The following ANKFN1 variants were observed in gnomAD, a reference collection of about 807,000 sequenced individuals.
The protein encoded by ANKFN1 is ankyrin repeat and fibronectin type III domain containing 1.
Under a neutral mutation model 108.7 loss-of-function variants are expected in ANKFN1, and 74 were observed. The ratio of observed to expected loss-of-function variants is 0.68; its 90% CI spans 0.56 to 0.83. ANKFN1 has a LOEUF of 0.83. Ranked by LOEUF, ANKFN1 falls within the 40% of genes least tolerant of loss-of-function variation. The pLI, the probability that ANKFN1 is intolerant of heterozygous loss-of-function variation, is 0.00. For synonymous variants in ANKFN1, 547 were observed against 516.2 expected (o/e 1.06, Z -0.81); for missense variants, 1,505 against 1,382.3 (o/e 1.09, Z -1.41).
At chr17:56,421,834 A>C (rs550553692) in intron 8 of ANKFN1, among the ~76,000 whole-genome samples, 1 of 152,198 alleles carries the variant, frequency 6.6e-6, no homozygotes, top group Non-Finnish European at 1.5e-5. Context: ...ATCAGAATAT[A>C]TTCTGTCTTT....
chr17:56,145,172 C>G (rs1239508843), intron 4 of ANKFN1, among the ~76,000 whole-genome samples: 1 of 152,142 alleles, frequency 6.6e-6, no homozygotes, highest in Admixed American at 6.5e-5. Flanking sequence ...AGTGAGTGTG[C>G]ACTGAGCAGG....
intron 3 of ANKFN1, among the ~76,000 whole-genome samples, chr17:56,320,259 A>G (rs2045324530): frequency 6.6e-6 from 1 of 152,088 alleles, no homozygotes; most frequent in Admixed American, 6.6e-5. Flanking sequence ...ACTCTGGTGA[A>G]CTCTTCCACA....
In ANKFN1 at chr17:56,384,841, C is replaced by T. The variant is rs1376588923; in HGVS notation, c.910+10127C>T. Among the ~76,000 whole-genome samples the T allele has an allele frequency of 5.4e-5, 8 of 149,172 alleles. No individual in the cohort carries two copies. The South Asian group carries it at 1.3e-3, about 24-fold the overall frequency. ...AAGAGGATACAAAGAAATGGAAGAA[C>T]ATTCCATGCTTATGGGTAGGAAGAA... is the stretch of plus-strand genomic sequence containing the variant. On this transcript the variant is annotated intron_variant, in intron 8 of 20. Coordinates refer to ENST00000682825, the MANE Select transcript of ANKFN1 (RefSeq NM_001370326.1).
intron 3 of ANKFN1, among the ~76,000 whole-genome samples, chr17:56,317,303 T>C (rs969048063): frequency 6.6e-6 from 1 of 152,196 alleles, no homozygotes; most frequent in Non-Finnish European, 1.5e-5. Context: ...TCCAGAAACA[T>C]TGCAAATCAA....
chr17:56,103,930 G>C (rs1905694928), intron 4 of ANKFN1, among the ~76,000 whole-genome samples: 1 of 152,214 alleles, frequency 6.6e-6, no homozygotes, highest in Non-Finnish European at 1.5e-5. Context: ...GAGTAAGATG[G>C]GGAGGAAAGG....
chr17:56,446,013 A>T (rs1252409225), intron 10 of ANKFN1, among the ~76,000 whole-genome samples: 1 of 152,180 alleles, frequency 6.6e-6, no homozygotes, highest in Admixed American at 6.5e-5. Context: ...CCTCATCCCT[A>T]AAGTCTCCTA....
intron 1 of ANKFN1, among the ~76,000 whole-genome samples, chr17:56,164,494 G>A (rs1229046842): frequency 1.3e-5 from 2 of 152,132 alleles, no homozygotes; most frequent in East Asian, 3.9e-4. Context: ...CCAGCCCGTA[G>A]CACAGTAGCT....
intron 3 of ANKFN1, among the ~76,000 whole-genome samples, chr17:56,283,988 T>A (rs1446136610): frequency 6.6e-6 from 1 of 152,240 alleles, no homozygotes; most frequent in Non-Finnish European, 1.5e-5. Flanking sequence ...TTCAAAAGAC[T>A]GACTAGGTTA....
rs1380678695 is a variant in ANKFN1 at position 56,449,114 on chromosome 17, A to G, written c.1135A>G (p.Lys379Glu). The change falls in exon 11 of 21, where the codon AAG becomes GAG. Residue 379 changes from lysine (K) to glutamate (E), a missense_variant. Coordinates refer to ENST00000682825, the MANE Select transcript of ANKFN1 (RefSeq NM_001370326.1). Reference protein sequence around the residue: ...KDYDDREPRHKGQSEVLEGLL... With the variant: ...KDYDDREPRHEGQSEVLEGLL... ...CTATGACGACAGAGAGCCCAGACAC[A>G]AGGGACAGAGTGAAGTTTTGGAAGG... 6.2e-6 allele frequency: 10 copies of G among 1,613,304 alleles called. No homozygotes were observed. Among genetic ancestry groups the G allele is most frequent in the African/African-American group, 2.7e-5 (2 of 74,886 alleles).
chr17:56,511,336 A>C lies in ANKFN1; in HGVS notation c.*67A>C. 4 of 1,370,776 alleles carry C rather than the reference A, an allele frequency of 2.9e-6. No individual in the cohort carries two copies. Among genetic ancestry groups the C allele is most frequent in the Non-Finnish European group, 3.9e-6 (4 of 1,031,456 alleles). The allele number at this position is 1,370,776 out of a possible 1,614,324, so 84.9% of individuals were successfully genotyped here. On this transcript the variant is annotated 3_prime_UTR_variant, in exon 21 of 21. Transcript: ENST00000682825. ...TGCGTTTTACATCACCCTTACCCCC[A>C]TCCTGCCCCACTGTGTACCCACTCA... is the stretch of plus-strand genomic sequence containing the variant.
intron 8 of ANKFN1, 132 bp downstream of exon 8, chr17:56,374,846 T>C: frequency 1.4e-6 from 1 of 706,764 alleles, no homozygotes; most frequent in Non-Finnish European, 2.3e-6. Context: ...CTTTTGAAGT[T>C]GAAATATTTC....
At chr17:56,179,093 T>A (rs16956852) in intron 1 of ANKFN1, among the ~76,000 whole-genome samples, 47,466 of 152,038 alleles carry the variant, frequency 0.31, 8,976 homozygotes, top group East Asian at 0.51. Context: ...TGGTTATCAG[T>A]TTTTTGAGGG....
At chr17:56,101,684 A>G (rs1180212339) in intron 4 of ANKFN1, among the ~76,000 whole-genome samples, 13 of 152,182 alleles carry the variant, frequency 8.5e-5, no homozygotes, top group Non-Finnish European at 1.2e-4. Context: ...GATCTAGTCA[A>G]ATTTGTGTGG....
intron 1 of ANKFN1, among the ~76,000 whole-genome samples, chr17:56,182,846 G>A (rs1567822406): frequency 1.3e-5 from 2 of 152,176 alleles, no homozygotes; most frequent in Non-Finnish European, 2.9e-5. Context: ...GCAGCTGGTG[G>A]TCAATGTCAA....
intron 3 of ANKFN1, among the ~76,000 whole-genome samples, chr17:56,238,707 A>G (rs938907376): frequency 1.1e-4 from 17 of 152,172 alleles, no homozygotes; most frequent in African/African-American, 4.1e-4. Context: ...TGAAGACAGC[A>G]TACCATGAGT....
chr17:56,495,313 GTCTCTC>G (rs150627971), intron 19 of ANKFN1, among the ~76,000 whole-genome samples: 1 of 147,478 alleles, frequency 6.8e-6, no homozygotes, highest in African/African-American at 2.5e-5. Context: ...TGACTTTGTG[GTCTCTC>G]TCTCTCTCTC....
chr17:56,500,952 A>AT (rs2051350241), intron 20 of ANKFN1, among the ~76,000 whole-genome samples: 1 of 152,204 alleles, frequency 6.6e-6, no homozygotes, highest in African/African-American at 2.4e-5. Context: ...ATTCCAGTGT[A>AT]TAATACAAAA....
chr17:56,221,063 T>C (rs552037933), intron 2 of ANKFN1, among the ~76,000 whole-genome samples: 2 of 152,190 alleles, frequency 1.3e-5, no homozygotes, highest in African/African-American at 4.8e-5. Context: ...TAAGGAAACT[T>C]AGAATCATGG....
intron 8 of ANKFN1, among the ~76,000 whole-genome samples, chr17:56,399,260 A>G (rs1207089997): frequency 6.6e-6 from 1 of 152,126 alleles, no homozygotes; most frequent in East Asian, 1.9e-4. Context: ...AAATTTCTAG[A>G]ATAAAACATG....
Sources: gnomAD v4.1 joint callset for allele counts (sites outside exome capture counted in the v4.1 genomes callset) on GRCh38, gnomAD v4.1.1 for gene constraint, MANE v1.5 for transcripts, NCBI Gene and HGNC (gene_info 2026-07-23, HGNC 2026-07-21) for gene names.